Variants in BTRC observed in about 807,000 individuals in gnomAD.
The protein encoded by BTRC is F-box/WD repeat-containing protein 1A.
In BTRC, 42 loss-of-function variants were observed where a neutral mutation model predicts 85.5. The ratio of observed to expected loss-of-function variants is 0.49; its 90% CI spans 0.38 to 0.64. BTRC has a LOEUF of 0.64. BTRC is among the 30% of genes least tolerant of loss of function. BTRC has a pLI of 0.00. For synonymous variants in BTRC, 255 were observed against 263.3 expected, an observed-to-expected ratio of 0.97 and a Z score of 0.30; for missense variants, 594 against 743.5, an observed-to-expected ratio of 0.80 and a Z score of 2.34.
intron 5 of BTRC, 97 bp from the exon 6 acceptor site, chr10:101,525,916 A>T: frequency 8.2e-7 from 1 of 1,216,706 alleles, no homozygotes; most frequent in South Asian, 1.5e-5. Context: ...GTGCCTTCAT[A>T]GCAGAACAAA....
chr10:101,484,618 T>G (rs571519700), intron 4 of BTRC, among the ~76,000 whole-genome samples: 3 of 152,234 alleles, frequency 2.0e-5, no homozygotes, highest in Non-Finnish European at 4.4e-5. Context: ...TTTAAGATAC[T>G]GTTCCACAAG....
intron 1 of BTRC, among the ~76,000 whole-genome samples, chr10:101,373,075 G>C (rs1477348300): frequency 6.6e-6 from 1 of 152,092 alleles, no homozygotes; most frequent in African/African-American, 2.4e-5. Context: ...ATTATTCCTA[G>C]GAAGCAGATG....
chr10:101,475,311 A>G (rs1945648136), intron 3 of BTRC, among the ~76,000 whole-genome samples: 1 of 152,204 alleles, frequency 6.6e-6, no homozygotes, highest in Non-Finnish European at 1.5e-5. Context: ...AGGCCAAGGC[A>G]GGTGGATCAA....
intron 1 of BTRC, among the ~76,000 whole-genome samples, chr10:101,392,680 TTAGTAGAGACAGGGTTTCACCA>T (rs1442479574): frequency 3.3e-5 from 5 of 151,952 alleles, no homozygotes; most frequent in South Asian, 2.1e-4. Flanking sequence ...TTTTGTAGTT[TTAGTAGAGACAGGGTTTCACCA>T]TAGTAGAGAC....
chr10:101,490,388 T>G (rs1946099258), intron 4 of BTRC, among the ~76,000 whole-genome samples: 3 of 152,222 alleles, frequency 2.0e-5, no homozygotes, highest in African/African-American at 7.2e-5. Context: ...TATGTGTTAC[T>G]TATTTGGATT....
At chr10:101,436,666 A>ATAGATAGG (rs1425752446) in intron 2 of BTRC, among the ~76,000 whole-genome samples, 1 of 148,274 alleles carries the variant, frequency 6.7e-6, no homozygotes, top group East Asian at 2.0e-4. Context: ...AGATAGATAG[A>ATAGATAGG]TAGATTTATA....
Position 101,354,178 on chromosome 10 carries a change from A to C in BTRC, c.-3A>C. 6.5e-7 allele frequency: 1 copy of C among 1,548,904 alleles called. No homozygotes were observed. The highest frequency in any genetic ancestry group is 2.4e-5 in the East Asian group (1 of 40,840). ...GAGAGCGGACCCAGTGGCCTCGGCG[A>C]TTATGGACCCGGCCGAGGCGGTGCT... On this transcript the variant is annotated 5_prime_UTR_variant, in exon 1 of 15. Coordinates refer to ENST00000370187, the MANE Select transcript of BTRC (RefSeq NM_033637.4).
rs764456335 is a variant in BTRC at position 101,525,967 on chromosome 10, G to T, written c.557-46G>T. 5.7e-6 allele frequency: 9 copies of T among 1,576,050 alleles called. No individual in the cohort carries two copies. In the African/African-American group the frequency reaches 1.2e-4, roughly 21 times the overall value. The stretch of plus-strand genomic sequence containing the variant: ...AAGGACCTTTTGTAAAAAATCATTC[G>T]CCACCTTCTGTGTTCTTTTTCTTTG... On this transcript the variant is annotated intron_variant, in intron 5 of 14. Coordinates refer to ENST00000370187, the MANE Select transcript of BTRC (RefSeq NM_033637.4).
intron 1 of BTRC, among the ~76,000 whole-genome samples, chr10:101,356,620 T>G (rs1386079271): frequency 6.6e-6 from 1 of 152,226 alleles, no homozygotes; most frequent in Non-Finnish European, 1.5e-5. Context: ...CTTTCATTAT[T>G]GACCTTGCCT....
chr10:101,395,390 G>A (rs933106171), intron 1 of BTRC, among the ~76,000 whole-genome samples: 1 of 152,112 alleles, frequency 6.6e-6, no homozygotes, highest in Non-Finnish European at 1.5e-5. Flanking sequence ...ACTGTAAGTA[G>A]TGTAACCCTC....
chr10:101,404,116 C>T (rs35178755), intron 1 of BTRC, among the ~76,000 whole-genome samples: 19,697 of 142,552 alleles, frequency 0.14, 1,693 homozygotes, highest in Middle Eastern at 0.27. Flanking sequence ...CTGCAAGCTC[C>T]GCCTACCGGG....
At chr10:101,470,850 C>T (rs903220349) in intron 3 of BTRC, among the ~76,000 whole-genome samples, 37 of 152,304 alleles carry the variant, frequency 2.4e-4, no homozygotes, top group African/African-American at 8.4e-4. Context: ...GTTGTTTCAG[C>T]ACCATTGTTG....
At chr10:101,416,453 A>G (rs1379590678) in intron 1 of BTRC, among the ~76,000 whole-genome samples, 1 of 152,186 alleles carries the variant, frequency 6.6e-6, no homozygotes, top group African/African-American at 2.4e-5. Context: ...TTTCACAGAC[A>G]TATCCCTTTG....
At chr10:101,492,453 C>T (rs751269139) in intron 4 of BTRC, among the ~76,000 whole-genome samples, 1 of 152,108 alleles carries the variant, frequency 6.6e-6, no homozygotes, top group Non-Finnish European at 1.5e-5. Flanking sequence ...CTTTTATTTA[C>T]ATCTATGTGT....
chr10:101,425,704 G>A (rs1289744370), intron 1 of BTRC, among the ~76,000 whole-genome samples: 1 of 151,642 alleles, frequency 6.6e-6, no homozygotes, highest in African/African-American at 2.4e-5. Context: ...CAGCTACTGG[G>A]CAGGCTGAGG....
Position 101,556,615 on chromosome 10 carries a change from G to A in BTRC, c.*3492G>A, listed in dbSNP as rs574535767. 4.3e-4 allele frequency: 66 copies of A among 152,360 alleles called. No individual in the cohort carries two copies. Among genetic ancestry groups the A allele is most frequent in the African/African-American group, 1.5e-3 (64 of 41,588 alleles). The allele number at this position is 152,360 out of a possible 1,614,324, so 9.4% of individuals were successfully genotyped here. A position where few individuals can be genotyped will look rare whatever the true frequency, so the allele number is the denominator to read the frequency against. ...CACAGTGTCAACATAGTATCGGAAA[G>A]AGAGCCATTTCTTAGGGGAATAAAA... On this transcript the variant is annotated 3_prime_UTR_variant, in exon 15 of 15. Transcript: ENST00000370187.
chr10:101,500,822 T>C (rs1298241164), intron 4 of BTRC, among the ~76,000 whole-genome samples: 2 of 152,200 alleles, frequency 1.3e-5, no homozygotes, highest in Non-Finnish European at 2.9e-5. Flanking sequence ...AAAAATTCAA[T>C]TGTTTAAGAA....
At chr10:101,355,358 G>A (rs974552715) in intron 1 of BTRC, among the ~76,000 whole-genome samples, 3 of 152,184 alleles carry the variant, frequency 2.0e-5, no homozygotes, top group Admixed American at 6.5e-5. Flanking sequence ...TTTTGTGGGT[G>A]TGCTTAAACC....
At chr10:101,397,724 T>C (rs1564747165) in intron 1 of BTRC, among the ~76,000 whole-genome samples, 1 of 152,220 alleles carries the variant, frequency 6.6e-6, no homozygotes, top group Non-Finnish European at 1.5e-5. Flanking sequence ...ATTTTTTTCA[T>C]ACCCTGTTAC....
Sources: gnomAD v4.1 joint callset for allele counts (sites outside exome capture counted in the v4.1 genomes callset) on GRCh38, gnomAD v4.1.1 for gene constraint, MANE v1.5 for transcripts, NCBI Gene and HGNC (gene_info 2026-07-23, HGNC 2026-07-21) for gene names.